The following GOLGA2 variants were observed in gnomAD, a reference collection of about 807,000 sequenced individuals.
The protein encoded by GOLGA2 is golgin subfamily A member 2.
Under a neutral mutation model 148.8 loss-of-function variants are expected in GOLGA2, and 49 were observed. That is an observed-to-expected ratio of 0.33 (90% confidence interval 0.26 to 0.42). GOLGA2 has a LOEUF of 0.42. Among genes scored for constraint, GOLGA2 ranks in the 10% least tolerant of loss-of-function variants. The pLI is 1.00. For synonymous variants in GOLGA2, 501 were observed against 511.8 expected, an observed-to-expected ratio of 0.98 and a Z score of 0.28; for missense variants, 1,178 against 1,304.6, an observed-to-expected ratio of 0.90 and a Z score of 1.49.
In GOLGA2 at chr9:128,259,078, C is replaced by A. The variant is rs763951878; in HGVS notation, c.2102G>T (p.Arg701Leu). ...ATTCTGCTGGGTGGCAGCTTCCAGG[C>A]GCTCCTAAGGGGCCAGAAAAGAGAG... ...ARQELQETQERLEAATQQNQQ... is the reference protein window; with the variant it reads ...ARQELQETQELLEAATQQNQQ... The change falls in exon 21 of 27, where the codon CGC (arginine) becomes CTC (leucine). Residue 701 changes from arginine (R) to leucine (L), a missense_variant. By Grantham distance (102) the Arg-to-Leu change is moderately radical. Coordinates refer to ENST00000611957, the MANE Select transcript of GOLGA2 (RefSeq NM_001366244.2). The A allele has an allele frequency of 3.1e-6, 5 of 1,611,856 alleles. No homozygotes were observed. The highest frequency in any genetic ancestry group is 4.2e-6 in the Non-Finnish European group (5 of 1,178,604).
chr9:128,259,258 A>G lies in GOLGA2; in HGVS notation c.2006T>C (p.Leu669Pro). 2 of 1,608,608 alleles carry G rather than the reference A, an allele frequency of 1.2e-6. No homozygotes were observed. The highest frequency in any genetic ancestry group is 1.7e-6 in the Non-Finnish European group (2 of 1,177,682). ...EKEVLHNQLL[L>P]QTQLVDQLQQ... Reference sequence around the variant, plus strand: ...CAGCTGGTCCACGAGCTGGGTCTGCAGCAGTAGCTGATTATGCAGCACCTC... The same window carrying G: ...CAGCTGGTCCACGAGCTGGGTCTGCGGCAGTAGCTGATTATGCAGCACCTC... The change falls in exon 20 of 27, where the codon CTG becomes CCG. Residue 669 changes from leucine (L) to proline (P), a missense_variant. Coordinates refer to ENST00000611957, the MANE Select transcript of GOLGA2 (RefSeq NM_001366244.2).
At position 128,261,333 on chromosome 9, in the gene GOLGA2, C is replaced by T; in HGVS notation, c.1333-74G>A. The T allele has an allele frequency of 7.6e-7, 1 of 1,322,958 alleles. No homozygotes were observed. The highest frequency in any genetic ancestry group is 1.7e-5 in the Admixed American group (1 of 59,606). 82.0% of individuals were successfully genotyped at this position (1,322,958 alleles called of 1,614,324 possible). ...GACAGGCTACCATCTCCCTCTGCCCCCACCGCCACAAAGCCCAGACCCATG... is the reference window on the plus strand; with the variant it reads ...GACAGGCTACCATCTCCCTCTGCCCTCACCGCCACAAAGCCCAGACCCATG... On this transcript the variant is annotated intron_variant, in intron 16 of 26. Transcript: ENST00000611957. This position sits in a 1 kb window ranked among gnomAD's most constrained non-coding sequence, Gnocchi z 5.7.
rs1056899475 is a variant in GOLGA2, at chr9:128,268,583, T to A, written c.289-59A>T. 35 of 873,542 alleles carry A rather than the reference T, an allele frequency of 4.0e-5. 1 individual carries two copies. In the South Asian group the frequency reaches 4.8e-4, roughly 12 times the overall value. The allele number at this position is 873,542 out of a possible 1,614,324, so 54.1% of individuals were successfully genotyped here. A position where few individuals can be genotyped will look rare whatever the true frequency, so the allele number is the denominator to read the frequency against. The stretch of plus-strand genomic sequence containing the variant: ...ATGCGGGAGAGGTGCCTCAGTACTA[T>A]GAACACAAGGGTGTGGAACAGGTAG... On this transcript the variant is annotated intron_variant, in intron 3 of 26. Coordinates refer to ENST00000611957, the MANE Select transcript of GOLGA2 (RefSeq NM_001366244.2).
At chr9:128,262,512 T>C (rs1406600783) in intron 14 of GOLGA2, 51 bp downstream of exon 14, 4 of 1,583,090 alleles carry the variant, frequency 2.5e-6, no homozygotes, top group Admixed American at 3.4e-5. Context: ...CCCTAGACCA[T>C]GGCCCCAGCT....
chr9:128,273,556 T>C, intron 2 of GOLGA2: 1 of 477,090 alleles, frequency 2.1e-6, no homozygotes, highest in Non-Finnish European at 3.7e-6. Context: ...ATTTCCTGGG[T>C]GTCCTGGGTG....
At chr9:128,263,968 A>G (rs1047300314) in intron 12 of GOLGA2, among the ~76,000 whole-genome samples, 23 of 149,350 alleles carry the variant, frequency 1.5e-4, no homozygotes, top group Admixed American at 8.6e-4. Context: ...CATCCTGGCT[A>G]ACACGGTGAA....
chr9:128,257,803 C>T lies in GOLGA2; in HGVS notation c.2598G>A (p.Glu866=). 3 of 1,614,050 alleles carry T rather than the reference C, an allele frequency of 1.9e-6. No individual in the cohort carries two copies. The highest frequency in any genetic ancestry group is 2.5e-6 in the Non-Finnish European group (3 of 1,179,892). ...LEHRCIQLSG[E]TDTIGEYIAL... is the part of the protein sequence containing the mutation. ...CCTCCCACTCACCAATGGTGTCTGT[C>T]TCTCCAGAAAGCTGGATGCAGCGAT... Residue 866 remains glutamate, a synonymous_variant, in exon 24 of 27, where the codon GAG becomes GAA. Coordinates refer to ENST00000611957, the MANE Select transcript of GOLGA2 (RefSeq NM_001366244.2). This position sits in a 1 kb window ranked among gnomAD's most constrained non-coding sequence, Gnocchi z 8.0.
At position 128,261,069 on chromosome 9, in the gene GOLGA2, C is replaced by T; in HGVS notation, c.1420+103G>A. 2 of 844,034 alleles carry T rather than the reference C, an allele frequency of 2.4e-6. No homozygotes were observed. The highest frequency in any genetic ancestry group is 4.1e-6 in the Non-Finnish European group (2 of 487,576). 52.3% of individuals were successfully genotyped at this position (844,034 alleles called of 1,614,324 possible). On this transcript the variant is annotated intron_variant, in intron 17 of 26. Coordinates refer to ENST00000611957, the MANE Select transcript of GOLGA2 (RefSeq NM_001366244.2). The surrounding 1 kb of genome is among the most constrained non-coding windows in gnomAD (Gnocchi z 5.7). ...CCTGGCACAGACCTCTTTCCCTCTGCCTCAAAGCCATTCCATCCACCCAAC... is the reference window on the plus strand; with the variant it reads ...CCTGGCACAGACCTCTTTCCCTCTGTCTCAAAGCCATTCCATCCACCCAAC...
Position 128,258,313 on chromosome 9 carries a change from G to T in GOLGA2, c.2290-115C>A. The T allele has an allele frequency of 1.8e-6, 2 of 1,132,986 alleles. No homozygotes were observed. Among genetic ancestry groups the T allele is most frequent in the Non-Finnish European group, 2.6e-6 (2 of 770,162 alleles). The allele number at this position is 1,132,986 out of a possible 1,614,324, so 70.2% of individuals were successfully genotyped here. ...GAGGGTGCACTTGTTGGTCCCAAGTGAAATGGTGTCTCACCACTGGCTCCC... is the reference window on the plus strand; with the variant it reads ...GAGGGTGCACTTGTTGGTCCCAAGTTAAATGGTGTCTCACCACTGGCTCCC... On this transcript the variant is annotated intron_variant, in intron 22 of 26. Coordinates refer to ENST00000611957, the MANE Select transcript of GOLGA2 (RefSeq NM_001366244.2). This position sits in a 1 kb window ranked among gnomAD's most constrained non-coding sequence, Gnocchi z 6.6.
Position 128,260,178 on chromosome 9 carries a change from G to C in GOLGA2, c.1770C>G (p.Asn590Lys). The change falls in exon 19 of 27, where the codon AAC becomes AAG. Residue 590 changes from asparagine to lysine, a missense_variant. Asn to Lys is a moderately conservative substitution (Grantham distance 94). Around this residue, in one of 5 missense-constraint regions of GOLGA2, gnomAD observed 529 missense variants for 521.8 expected, o/e 1.01. Transcript: ENST00000611957. The surrounding 1 kb of genome is among the most constrained non-coding windows in gnomAD (Gnocchi z 4.8). ...QSGFVKLTNENMEITSALQSE... is the reference protein window; with the variant it reads ...QSGFVKLTNEKMEITSALQSE... The stretch of plus-strand genomic sequence containing the variant: ...ACTGCAGTGCGCTGGTGATCTCCAT[G>C]TTCTCATTAGTCTGGACAGAGAGAA... 6.2e-7 allele frequency: 1 copy of C among 1,604,388 alleles called. No homozygotes were observed. The highest frequency in any genetic ancestry group is 8.5e-7 in the Non-Finnish European group (1 of 1,176,328).
At chr9:128,263,002 C>T (rs1219807031) in intron 13 of GOLGA2, 32 bp downstream of exon 13, 3 of 1,515,318 alleles carry the variant, frequency 2.0e-6, no homozygotes, top group East Asian at 4.5e-5. Flanking sequence ...TGAGGGCCCC[C>T]AGACCTCCCA....
chr9:128,259,996 G>A, intron 19 of GOLGA2, 80 bp downstream of exon 19: 3 of 969,056 alleles, frequency 3.1e-6, no homozygotes, highest in South Asian at 2.6e-5. Context: ...CCCCAGGCTG[G>A]AGCTGCCTCT....
chr9:128,259,114 T>C (rs1830091654), intron 20 of GOLGA2, 32 bp from the exon 21 acceptor site: 1 of 1,603,590 alleles, frequency 6.2e-7, no homozygotes, highest in Non-Finnish European at 8.5e-7. Flanking sequence ...TGAGAAGGCA[T>C]GGAGGTTGCC....
At chr9:128,267,383 A>G (rs868727790) in intron 7 of GOLGA2, 75 bp downstream of exon 7, 26 of 1,466,380 alleles carry the variant, frequency 1.8e-5, no homozygotes, top group Admixed American at 3.4e-5. Flanking sequence ...GCAGAGGGGC[A>G]CCCAGCCCCC....
intron 19 of GOLGA2, among the ~76,000 whole-genome samples, chr9:128,259,682 T>C (rs914906969): frequency 9.2e-5 from 14 of 152,220 alleles, no homozygotes; most frequent in African/African-American, 1.9e-4. Context: ...TATTATCTCA[T>C]TGAATCCTCA....
intron 12 of GOLGA2, among the ~76,000 whole-genome samples, chr9:128,263,836 G>A (rs922862281): frequency 4.6e-5 from 7 of 151,818 alleles, no homozygotes; most frequent in South Asian, 4.2e-4. Flanking sequence ...TACGGCACCC[G>A]GCTGGTCTCA....
At chr9:128,262,358 C>T (rs1340625558) in intron 14 of GOLGA2, among the ~76,000 whole-genome samples, 1 of 152,040 alleles carries the variant, frequency 6.6e-6, no homozygotes, top group African/African-American at 2.4e-5. Context: ...CAAAAATTGT[C>T]TTAAGCCCTA....
chr9:128,262,304 G>A (rs927430656), intron 14 of GOLGA2, among the ~76,000 whole-genome samples: 25 of 151,296 alleles, frequency 1.7e-4, no homozygotes, highest in African/African-American at 4.6e-4. Context: ...TAAAATAATG[G>A]TTTTCACCCA....
At chr9:128,265,097 T>C (rs1830512081) in intron 12 of GOLGA2, among the ~76,000 whole-genome samples, 1 of 152,188 alleles carries the variant, frequency 6.6e-6, no homozygotes, top group Non-Finnish European at 1.5e-5. Context: ...ATTCAGATAG[T>C]CCAAAACTCC....
Sources: allele counts gnomAD v4.1 joint callset (sites outside exome capture counted in the v4.1 genomes callset), GRCh38; gene constraint gnomAD v4.1.1; regional missense constraint gnomAD v4.1.1; non-coding constraint Gnocchi (gnomAD v3.1); transcripts MANE v1.5; gene names NCBI Gene and HGNC (gene_info 2026-07-23, HGNC 2026-07-21).